The following OR7C1 variants were observed in gnomAD, a reference collection of about 807,000 sequenced individuals.
OR7C1 encodes the protein olfactory receptor family 7 subfamily C member 1.
For synonymous variants in OR7C1, 152 were observed against 160.7 expected (o/e 0.95, Z 0.41); for missense variants, 324 against 383.3 (o/e 0.85, Z 1.29).
At chr19:14,831,818 T>C (rs1215572270) in intron 1 of OR7C1, among the ~76,000 whole-genome samples, 1 of 152,204 alleles carries the variant, frequency 6.6e-6, no homozygotes, top group African/African-American at 2.4e-5. Context: ...AGCTTGTTTC[T>C]GGTCTTTGTC....
At chr19:14,804,716 A>T (rs1297030997) in intron 2 of OR7C1, among the ~76,000 whole-genome samples, 1 of 151,916 alleles carries the variant, frequency 6.6e-6, no homozygotes, top group African/African-American at 2.4e-5. Flanking sequence ...GATGAGGATA[A>T]AGTGCTACTG....
chr19:14,818,453 T>A (rs1428972021), intron 1 of OR7C1, among the ~76,000 whole-genome samples: 1 of 152,150 alleles, frequency 6.6e-6, no homozygotes, highest in African/African-American at 2.4e-5. Flanking sequence ...GAAAAAAATA[T>A]GTTTATTTAA....
At chr19:14,829,483 A>T (rs779500130) in intron 1 of OR7C1, among the ~76,000 whole-genome samples, 26 of 152,168 alleles carry the variant, frequency 1.7e-4, no homozygotes, top group Non-Finnish European at 2.9e-4. Context: ...GATTATAGGC[A>T]TGAGCCACTG....
intron 1 of OR7C1, among the ~76,000 whole-genome samples, chr19:14,819,083 C>T (rs34348863): frequency 3.3e-5 from 5 of 151,754 alleles, no homozygotes; most frequent in Non-Finnish European, 7.4e-5. Context: ...GTGATATTCC[C>T]CTTCCTGTGT....
chr19:14,816,564 A>C (rs1183952591), intron 1 of OR7C1, among the ~76,000 whole-genome samples: 12 of 152,174 alleles, frequency 7.9e-5, no homozygotes, highest in African/African-American at 2.9e-4. Context: ...GCAGTGGTTT[A>C]CCAGAGGTTC....
At chr19:14,808,212 G>C (rs980599585) in intron 2 of OR7C1, among the ~76,000 whole-genome samples, 1 of 151,886 alleles carries the variant, frequency 6.6e-6, no homozygotes, top group Non-Finnish European at 1.5e-5. Context: ...ACAGTATGGA[G>C]ATTTCCCAAA....
At chr19:14,823,538 T>A (rs1420319109) in intron 1 of OR7C1, among the ~76,000 whole-genome samples, 1 of 152,244 alleles carries the variant, frequency 6.6e-6, no homozygotes, top group Non-Finnish European at 1.5e-5. Context: ...AGTGGTGAAG[T>A]CTGGGCTTTT....
intron 1 of OR7C1, among the ~76,000 whole-genome samples, chr19:14,833,851 T>C (rs2044858032): frequency 8.0e-6 from 1 of 125,126 alleles, no homozygotes; most frequent in African/African-American, 2.9e-5. Flanking sequence ...TTCTCAGCTG[T>C]CATAGATTTG....
intron 1 of OR7C1, chr19:14,824,150 T>C (rs192190152): frequency 2.9e-4 from 44 of 152,322 alleles, no homozygotes; most frequent in African/African-American, 1.0e-3. Context: ...GGATCCTAAA[T>C]TATTTAGCTC....
At position 14,811,897 on chromosome 19, in the gene OR7C1, G is replaced by A. The variant is rs147031381; in HGVS notation, c.-622-1904C>T. Among the ~76,000 whole-genome samples, 506 of 152,014 alleles carry A rather than the reference G, an allele frequency of 3.3e-3. 19 individuals are homozygous for A. Among genetic ancestry groups the A allele is most frequent in the African/African-American group, 0.011 (475 of 41,310 alleles). On this transcript the variant is annotated intron_variant, in intron 1 of 4. Coordinates refer to ENST00000641666, the Ensembl canonical transcript of OR7C1. ...GCTCACCTGCTGCTCACCTCCTCCC[G>A]TGCGGCCTAGCTCCTAACAGGCTGT...
intron 1 of OR7C1, among the ~76,000 whole-genome samples, chr19:14,816,722 A>G (rs1237341019): frequency 1.3e-5 from 2 of 152,198 alleles, no homozygotes; most frequent in Non-Finnish European, 2.9e-5. Context: ...ATACTCCTTA[A>G]TAAACTCCAC....
rs1599919052 is a variant in OR7C1 at position 14,816,982 on chromosome 19, G to T, written c.-622-6989C>A. On this transcript the variant is annotated intron_variant, in intron 1 of 4. Coordinates refer to ENST00000641666, the Ensembl canonical transcript of OR7C1. ...AAATCAGACACTTACGGGTTAGTAA[G>T]TTCCAGCAGTAAGAGGGGAGGTGCC... Among the ~76,000 whole-genome samples, 2 of 152,306 alleles carry T rather than the reference G, an allele frequency of 1.3e-5. 1 individual carries two copies. Among genetic ancestry groups the T allele is most frequent in the African/African-American group, 4.8e-5 (2 of 41,562 alleles).
chr19:14,833,951 A>G (rs2044859291), intron 1 of OR7C1, among the ~76,000 whole-genome samples: 1 of 152,176 alleles, frequency 6.6e-6, no homozygotes, highest in Non-Finnish European at 1.5e-5. Flanking sequence ...CAATCTCCAG[A>G]CAGATAAAAT....
chr19:14,833,060 G>A (rs2044849791), intron 1 of OR7C1, among the ~76,000 whole-genome samples: 1 of 152,192 alleles, frequency 6.6e-6, no homozygotes, highest in African/African-American at 2.4e-5. Flanking sequence ...CAGCAAGCTT[G>A]TATTTCAATT....
intron 1 of OR7C1, among the ~76,000 whole-genome samples, chr19:14,822,195 A>G (rs770721487): frequency 6.6e-6 from 1 of 151,996 alleles, no homozygotes; most frequent in Non-Finnish European, 1.5e-5. Context: ...CAACATACTG[A>G]TTTCATTTCC....
At chr19:14,821,684 T>G (rs1190033095) in intron 1 of OR7C1, among the ~76,000 whole-genome samples, 1 of 152,240 alleles carries the variant, frequency 6.6e-6, no homozygotes, top group East Asian at 1.9e-4. Flanking sequence ...ATATATGATG[T>G]GCTTGAATAT....
chr19:14,821,063 C>T (rs2044738910), intron 1 of OR7C1, among the ~76,000 whole-genome samples: 1 of 152,138 alleles, frequency 6.6e-6, no homozygotes, highest in Middle Eastern at 3.4e-3. Flanking sequence ...CATGGTGAAA[C>T]CCTGTCTCTA....
intron 2 of OR7C1, among the ~76,000 whole-genome samples, chr19:14,803,679 C>T (rs2044652819): frequency 6.6e-6 from 1 of 151,706 alleles, no homozygotes; most frequent in South Asian, 2.1e-4. Context: ...GACTTCCTTA[C>T]CCTCCCTATC....
intron 1 of OR7C1, among the ~76,000 whole-genome samples, chr19:14,813,470 G>C (rs1034986793): frequency 7.2e-5 from 11 of 151,934 alleles, no homozygotes; most frequent in African/African-American, 2.7e-4. Flanking sequence ...CAGGAGAATG[G>C]CATGAACCCA....
Sources: allele counts gnomAD v4.1 joint callset (sites outside exome capture counted in the v4.1 genomes callset), GRCh38; gene constraint gnomAD v4.1.1; transcripts MANE v1.5; gene names NCBI Gene and HGNC (gene_info 2026-07-23, HGNC 2026-07-21).